Variants in TTC23L observed in about 807,000 individuals in gnomAD.
TTC23L encodes the protein tetratricopeptide repeat protein 23-like.
A neutral mutation model predicts 48.1 loss-of-function variants in TTC23L; 42 were observed. The observed-to-expected ratio is 0.87, with a 90% CI of 0.68 to 1.13. The LOEUF is 1.13. TTC23L is among the 50% of genes most tolerant of loss of function. The probability of loss-of-function intolerance (pLI) is 0.00; values close to 1 mark genes in which losing one functional copy is unlikely to be tolerated. For synonymous variants in TTC23L, 159 were observed against 157.2 expected (o/e 1.01, Z -0.09); for missense variants, 391 against 421.0 (o/e 0.93, Z 0.62).
chr5:34,868,850 C>T, intron 7 of TTC23L, 55 bp from the exon 8 acceptor site: 1 of 1,470,366 alleles, frequency 6.8e-7, no homozygotes, highest in South Asian at 1.2e-5. Context: ...TCATCTAAAT[C>T]CACAGTGAAC....
chr5:34,876,161 T>C (rs1761816840), intron 8 of TTC23L, among the ~76,000 whole-genome samples: 1 of 152,120 alleles, frequency 6.6e-6, no homozygotes, highest in South Asian at 2.1e-4. Flanking sequence ...ATTTATAGCA[T>C]ATTAGAAAAG....
At chr5:34,918,347 A>G in the TTC23L span, 3 of 1,265,210 alleles carry the variant, frequency 2.4e-6, no homozygotes, top group Admixed American at 1.8e-5. Flanking sequence ...ATCTTTTAAC[A>G]TTTTCTTTTT....
chr5:34,890,418 G>C (rs1243603533), intron 9 of TTC23L, among the ~76,000 whole-genome samples: 1 of 136,712 alleles, frequency 7.3e-6, no homozygotes, highest in East Asian at 2.2e-4. Flanking sequence ...CTCCAGCCTA[G>C]GTAACAGACT....
chr5:34,871,755 G>A (rs1761484857), intron 8 of TTC23L, among the ~76,000 whole-genome samples: 1 of 152,146 alleles, frequency 6.6e-6, no homozygotes, highest in Non-Finnish European at 1.5e-5. Context: ...CAGAGATAGA[G>A]TTATTGGAAC....
At chr5:34,915,103 T>C in the TTC23L span, 2 of 576,244 alleles carry the variant, frequency 3.5e-6, no homozygotes, top group East Asian at 2.8e-5. Context: ...ACTATCTTTG[T>C]AATTCTGGAG....
the TTC23L span, chr5:34,920,223 C>CAT: frequency 2.3e-4 from 37 of 159,736 alleles, no homozygotes; most frequent in East Asian, 1.4e-3. Context: ...GTCCATTAAA[C>CAT]ATATATATAT....
chr5:34,881,406 A>G (rs1469856936), intron 9 of TTC23L, among the ~76,000 whole-genome samples: 1 of 152,224 alleles, frequency 6.6e-6, no homozygotes, highest in African/African-American at 2.4e-5. Flanking sequence ...CTTGAACTTT[A>G]TATATTCACT....
the TTC23L span, chr5:34,913,485 A>C: frequency 1.3e-6 from 2 of 1,579,334 alleles, no homozygotes; most frequent in Non-Finnish European, 1.7e-6. Context: ...ATAGGACTTG[A>C]TCCAAAAATA....
intron 3 of TTC23L, among the ~76,000 whole-genome samples, chr5:34,846,847 C>T (rs1475795247): frequency 6.6e-6 from 1 of 151,746 alleles, no homozygotes; most frequent in South Asian, 2.1e-4. Flanking sequence ...CCCTTGGTTA[C>T]AGTGGAATCA....
At chr5:34,872,340 A>G (rs1325073380) in intron 8 of TTC23L, among the ~76,000 whole-genome samples, 3 of 152,198 alleles carry the variant, frequency 2.0e-5, no homozygotes, top group African/African-American at 7.2e-5. Flanking sequence ...TCATACTAGT[A>G]ATTACAAAAA....
chr5:34,840,823 G>T, intron 2 of TTC23L, 84 bp downstream of exon 2: 1 of 1,294,380 alleles, frequency 7.7e-7, no homozygotes, highest in Admixed American at 1.7e-5. Flanking sequence ...CCTGGGTGAG[G>T]AGCTTTGCAT....
intron 10 of TTC23L, among the ~76,000 whole-genome samples, chr5:34,897,972 G>C (rs1763335154): frequency 6.6e-6 from 1 of 152,190 alleles, no homozygotes; most frequent in Non-Finnish European, 1.5e-5. Flanking sequence ...TGTAGTTCTG[G>C]AGACAGGCAA....
chr5:34,914,464 T>A, the TTC23L span: 3 of 543,902 alleles, frequency 5.5e-6, no homozygotes, highest in Non-Finnish European at 9.7e-6. Flanking sequence ...CTAACCATTA[T>A]CTCTGTAAAA....
intron 4 of TTC23L, chr5:34,861,133 A>T (rs1391930831): frequency 6.6e-6 from 1 of 152,098 alleles, no homozygotes; most frequent in East Asian, 1.9e-4. Flanking sequence ...ATGCCCAACT[A>T]ATTTTTGTAT....
intron 4 of TTC23L, 53 bp downstream of exon 4, chr5:34,850,361 G>A: frequency 6.2e-7 from 1 of 1,609,368 alleles, no homozygotes; most frequent in South Asian, 1.1e-5. Context: ...AGGCTGAACT[G>A]ACCCACACAA....
intron 8 of TTC23L, among the ~76,000 whole-genome samples, chr5:34,876,520 A>G (rs1440854653): frequency 1.3e-5 from 2 of 152,218 alleles, no homozygotes; most frequent in Non-Finnish European, 2.9e-5. Context: ...AAATAGGTCA[A>G]TCTTTCATGA....
At chr5:34,915,975 G>T in the TTC23L span, 81 of 1,434,844 alleles carry the variant, frequency 5.6e-5, no homozygotes, top group Non-Finnish European at 6.3e-5. Context: ...CTTGACTACA[G>T]CCTTGCTTAA....
chr5:34,864,477 A>G (rs1760904458), exon 6 of TTC23L: 1 of 1,613,708 alleles, frequency 6.2e-7, no homozygotes, highest in South Asian at 1.1e-5. Flanking sequence ...GGCAGAGAGA[A>G]ACATGAAGGA....
chr5:34,846,574 A>ATAT (rs1302717163), intron 3 of TTC23L, among the ~76,000 whole-genome samples: 1 of 107,994 alleles, frequency 9.3e-6, no homozygotes, highest in Non-Finnish European at 1.7e-5. Flanking sequence ...AAAAAAAAAA[A>ATAT]AAATATATAT....
Sources: gnomAD v4.1 joint callset for allele counts (sites outside exome capture counted in the v4.1 genomes callset) on GRCh38, gnomAD v4.1.1 for gene constraint, MANE v1.5 for transcripts, NCBI Gene and HGNC (gene_info 2026-07-23, HGNC 2026-07-21) for gene names.